Variants in RPF2 observed in about 807,000 individuals in gnomAD.
RPF2 encodes the protein brix domain containing 1.
A neutral mutation model predicts 38.9 loss-of-function variants in RPF2; 21 were observed. The ratio of observed to expected loss-of-function variants is 0.54; its 90% CI spans 0.38 to 0.78. RPF2 has a LOEUF of 0.78. RPF2 is among the 30% of genes least tolerant of loss of function. RPF2 has a pLI of 0.00. For synonymous variants in RPF2, 121 were observed against 126.2 expected, an observed-to-expected ratio of 0.96 and a Z score of 0.28; for missense variants, 314 against 358.1, an observed-to-expected ratio of 0.88 and a Z score of 0.99.
intron 7 of RPF2, among the ~76,000 whole-genome samples, chr6:111,014,507 T>G (rs1316176083): frequency 6.6e-6 from 1 of 152,196 alleles, no homozygotes; most frequent in African/African-American, 2.4e-5. Context: ...CACATGGAGA[T>G]AATCTGCATC....
chr6:111,012,413 C>CTT (rs1772033192), intron 7 of RPF2, among the ~76,000 whole-genome samples: 1 of 152,046 alleles, frequency 6.6e-6, no homozygotes, highest in African/African-American at 2.4e-5. Flanking sequence ...CTCAAGCAGC[C>CTT]CTCCAGCCTC....
chr6:111,018,661 A>G (rs902498286), intron 8 of RPF2, among the ~76,000 whole-genome samples: 12 of 151,934 alleles, frequency 7.9e-5, no homozygotes, highest in African/African-American at 2.9e-4. Context: ...TTTTCTCCAT[A>G]TAATTAATAC....
At chr6:110,985,559 G>GT (rs1463737709) in intron 2 of RPF2, among the ~76,000 whole-genome samples, 10 of 152,302 alleles carry the variant, frequency 6.6e-5, no homozygotes, top group Admixed American at 6.5e-4. Context: ...AGTTCTTTCA[G>GT]TGAGCTTAGA....
At position 110,994,293 on chromosome 6, in the gene RPF2, G is replaced by C. The variant is rs190007188; in HGVS notation, c.234+2507G>C. On this transcript the variant is annotated intron_variant, in intron 4 of 9. Transcript: ENST00000441448. ...TCCATCTCAATAAAAAAAAAAAAAA[G>C]AGTTGGTTAGGCTGGGCACCGTGGT... Among the ~76,000 whole-genome samples, 86 of 147,466 alleles carry C rather than the reference G, an allele frequency of 5.8e-4. 1 individual carries two copies. The highest frequency in any genetic ancestry group is 2.0e-3 in the African/African-American group (81 of 40,000).
intron 4 of RPF2, among the ~76,000 whole-genome samples, chr6:110,996,862 C>T (rs1240132247): frequency 2.0e-5 from 3 of 152,002 alleles, no homozygotes; most frequent in Admixed American, 6.6e-5. Context: ...AGTGCAGTGT[C>T]GCATTCTCAG....
intron 7 of RPF2, among the ~76,000 whole-genome samples, chr6:111,011,953 T>C (rs1338519495): frequency 1.3e-5 from 2 of 152,032 alleles, no homozygotes; most frequent in Non-Finnish European, 2.9e-5. Flanking sequence ...CCAAGGGAAG[T>C]TGAGTTTTCA....
Position 111,015,929 on chromosome 6 carries a change from G to A in RPF2, c.596+73G>A. ...TAAAACTGTGTGACTGTTTTTTAGA[G>A]CCCAAACTTAGAATTGGTATCTGGC... On this transcript the variant is annotated intron_variant, in intron 8 of 9. Transcript: ENST00000441448. 6 of 1,138,188 alleles carry A rather than the reference G, an allele frequency of 5.3e-6. No homozygotes were observed. The South Asian group carries it at 6.3e-5, about 12-fold the overall frequency. The allele number at this position is 1,138,188 out of a possible 1,614,324, so 70.5% of individuals were successfully genotyped here. A position where few individuals can be genotyped will look rare whatever the true frequency, so the allele number is the denominator to read the frequency against.
At position 111,024,342 on chromosome 6, in the gene RPF2, G is replaced by C; in HGVS notation, c.741+15G>C. 2.5e-6 allele frequency: 4 copies of C among 1,581,622 alleles called. No individual in the cohort carries two copies. Among genetic ancestry groups the C allele is most frequent in the Non-Finnish European group, 3.4e-6 (4 of 1,169,572 alleles). On this transcript the variant is annotated intron_variant, in intron 9 of 9. Transcript: ENST00000441448. The stretch of plus-strand genomic sequence containing the variant: ...AAGCTCTCAAGGTATATAACTTAGA[G>C]CTTGGTACCACATTTATTTGTATTT...
intron 8 of RPF2, among the ~76,000 whole-genome samples, chr6:111,018,791 T>C (rs1442346393): frequency 6.6e-6 from 1 of 152,210 alleles, no homozygotes; most frequent in Non-Finnish European, 1.5e-5. Context: ...CTGGTTAAGA[T>C]CGAAAGCCCC....
chr6:111,014,021 A>G (rs1772062851), intron 7 of RPF2, among the ~76,000 whole-genome samples: 1 of 151,800 alleles, frequency 6.6e-6, no homozygotes, highest in Non-Finnish European at 1.5e-5. Context: ...TTTTAAATTA[A>G]AAATGTTCAT....
intron 2 of RPF2, 42 bp from the exon 3 acceptor site, chr6:110,988,986 A>T: frequency 6.3e-7 from 1 of 1,585,686 alleles, no homozygotes; most frequent in Admixed American, 1.8e-5. Context: ...TCTGCTTTTC[A>T]GAATGTGTTT....
intron 1 of RPF2, among the ~76,000 whole-genome samples, chr6:110,983,977 C>T (rs983011523): frequency 2.0e-5 from 3 of 151,816 alleles, no homozygotes; most frequent in Admixed American, 6.6e-5. Flanking sequence ...TGCAGTGAGC[C>T]GAGATCGCAC....
chr6:111,013,133 A>G (rs1772048255), intron 7 of RPF2, among the ~76,000 whole-genome samples: 1 of 152,156 alleles, frequency 6.6e-6, no homozygotes, highest in African/African-American at 2.4e-5. Flanking sequence ...AATGGTTTAT[A>G]CTGTTCTCCT....
intron 6 of RPF2, among the ~76,000 whole-genome samples, chr6:111,001,688 G>A (rs778070567): frequency 1.3e-5 from 2 of 152,158 alleles, no homozygotes; most frequent in East Asian, 1.9e-4. Flanking sequence ...GACCATGCAC[G>A]AATCTCTGGA....
Position 110,982,093 on chromosome 6 carries a change from A to G in RPF2, c.-14A>G, listed in dbSNP as rs12332956. Reference sequence around the variant, plus strand: ...TGCATGCCCCCTGGTTAAGAGTTGCAGGTAGCGGTAGCGATGGACACTCTG... The same window carrying G: ...TGCATGCCCCCTGGTTAAGAGTTGCGGGTAGCGGTAGCGATGGACACTCTG... On this transcript the variant is annotated 5_prime_UTR_variant, in exon 1 of 10. Coordinates refer to ENST00000441448, the MANE Select transcript of RPF2 (RefSeq NM_032194.3). 1.4e-3 allele frequency: 2,233 copies of G among 1,614,136 alleles called. 40 individuals carry two copies. The African/African-American group carries it at 0.027, about 19-fold the overall frequency.
At chr6:110,982,214 T>C in intron 1 of RPF2, 85 bp downstream of exon 1, 1 of 1,470,970 alleles carries the variant, frequency 6.8e-7, no homozygotes. Flanking sequence ...CCTCTCACTC[T>C]TCCTGGTTAC....
At chr6:111,003,778 G>A (rs1771854844) in intron 6 of RPF2, among the ~76,000 whole-genome samples, 1 of 152,128 alleles carries the variant, frequency 6.6e-6, no homozygotes, top group South Asian at 2.1e-4. Context: ...AGCTATGATT[G>A]CTACACTGCA....
chr6:111,020,492 T>C (rs1237512380), intron 8 of RPF2, among the ~76,000 whole-genome samples: 1 of 152,096 alleles, frequency 6.6e-6, no homozygotes, highest in Non-Finnish European at 1.5e-5. Flanking sequence ...TTGTATTTAG[T>C]GAAAAGGGTT....
chr6:111,023,942 C>T (rs987057969), intron 8 of RPF2, among the ~76,000 whole-genome samples: 9 of 151,844 alleles, frequency 5.9e-5, no homozygotes, highest in African/African-American at 2.2e-4. Context: ...GAGCCAAGAT[C>T]GCGCCACTGC....
Sources: gnomAD v4.1 joint callset for allele counts (sites outside exome capture counted in the v4.1 genomes callset) on GRCh38, gnomAD v4.1.1 for gene constraint, MANE v1.5 for transcripts, NCBI Gene and HGNC (gene_info 2026-07-23, HGNC 2026-07-21) for gene names.